The following LSAMP variants were observed in gnomAD, a reference collection of about 807,000 sequenced individuals.
LSAMP encodes the protein limbic system associated membrane protein.
In LSAMP, 7 loss-of-function variants were observed where a neutral mutation model predicts 38.6. That is an observed-to-expected ratio of 0.18 (90% CI 0.10 to 0.34). The LOEUF is 0.34. Among genes scored for constraint, LSAMP ranks in the 10% least tolerant of loss-of-function variants. LSAMP has a pLI of 1.00. For synonymous variants in LSAMP, 154 were observed against 166.8 expected, an observed-to-expected ratio of 0.92 and a Z score of 0.59; for missense variants, 313 against 420.0, an observed-to-expected ratio of 0.75 and a Z score of 2.23.
At chr3:116,419,671 T>C (rs961275855) in intron 1 of LSAMP, among the ~76,000 whole-genome samples, 2 of 152,058 alleles carry the variant, frequency 1.3e-5, no homozygotes, top group African/African-American at 4.8e-5. Context: ...AGACTAATAA[T>C]GGAAACCCAA....
At chr3:115,830,897 T>A (rs921288431) in intron 6 of LSAMP, among the ~76,000 whole-genome samples, 41 of 152,206 alleles carry the variant, frequency 2.7e-4, no homozygotes, top group African/African-American at 9.6e-4. Context: ...ATATGGCTGT[T>A]CTGATGCCAG....
chr3:116,388,209 C>T (rs1017467277), intron 1 of LSAMP, among the ~76,000 whole-genome samples: 2 of 152,132 alleles, frequency 1.3e-5, no homozygotes, highest in Non-Finnish European at 2.9e-5. Flanking sequence ...GGCTACTTGA[C>T]TGAGAAATTA....
chr3:116,164,760 A>ATATTTTTTTTT (rs374542146), intron 1 of LSAMP, among the ~76,000 whole-genome samples: 1 of 91,642 alleles, frequency 1.1e-5, no homozygotes, highest in Non-Finnish European at 2.0e-5. Flanking sequence ...ATATATATAT[A>ATATTTTTTTTT]TTTTTTTTTT....
At position 116,405,534 on chromosome 3, in the gene LSAMP, G is replaced by A. The variant is rs73861676; in HGVS notation, c.155+39343C>T. ...GCTTCCAATACGATAAATAGTTAAA[G>A]AGGAGATGTTGCATCTTGACTTTAA... On this transcript the variant is annotated intron_variant, in intron 1 of 6. Coordinates refer to ENST00000490035, the MANE Select transcript of LSAMP (RefSeq NM_002338.5). Among the ~76,000 whole-genome samples, 249 of 152,112 alleles carry A rather than the reference G, an allele frequency of 1.6e-3. 1 individual carries two copies. The highest frequency in any genetic ancestry group is 5.7e-3 in the African/African-American group (235 of 41,530).
intron 6 of LSAMP, among the ~76,000 whole-genome samples, chr3:115,817,139 T>G (rs1219858623): frequency 5.3e-5 from 8 of 152,224 alleles, no homozygotes; most frequent in African/African-American, 1.9e-4. Context: ...CCTAGATCTT[T>G]GTATTGATCA....
At chr3:115,833,969 T>C (rs759610214) in intron 6 of LSAMP, among the ~76,000 whole-genome samples, 5 of 152,168 alleles carry the variant, frequency 3.3e-5, no homozygotes, top group Non-Finnish European at 5.9e-5. Flanking sequence ...AGAAAGTTTA[T>C]GAAAAGGAAT....
intron 6 of LSAMP, chr3:115,814,371 G>A (rs1169109907): frequency 6.6e-6 from 1 of 152,178 alleles, no homozygotes; most frequent in East Asian, 1.9e-4. Context: ...TTAAGGGCAA[G>A]ATAGATAAAA....
At chr3:116,267,403 T>A (rs920305109) in intron 1 of LSAMP, among the ~76,000 whole-genome samples, 42 of 152,068 alleles carry the variant, frequency 2.8e-4, no homozygotes, top group Non-Finnish European at 5.9e-4. Flanking sequence ...CCCAGTGCAT[T>A]TGTACAATGT....
In LSAMP at chr3:116,220,610, GT is replaced by G. The variant is rs1268596117; in HGVS notation, c.156-134055del. On this transcript the variant is annotated intron_variant, in intron 1 of 6. Transcript: ENST00000490035. ...AATATCAATTTCTTATTCCTTTCAGGTGTCAGGATTTGTTGTATGATGGAGC... is the reference window on the plus strand; with the variant it reads ...AATATCAATTTCTTATTCCTTTCAGGGTCAGGATTTGTTGTATGATGGAGC... Among the ~76,000 whole-genome samples the G allele has an allele frequency of 2.0e-5, 3 of 152,148 alleles. No homozygotes were observed. In the South Asian group the frequency reaches 6.2e-4, roughly 32 times the overall value.
intron 2 of LSAMP, among the ~76,000 whole-genome samples, chr3:116,058,192 G>T (rs1011213034): frequency 1.3e-5 from 2 of 152,138 alleles, no homozygotes; most frequent in African/African-American, 4.8e-5. Flanking sequence ...TCTGATACAA[G>T]CTAGCTCTTT....
intron 3 of LSAMP, among the ~76,000 whole-genome samples, chr3:115,869,206 C>T (rs1283376892): frequency 1.3e-5 from 2 of 150,802 alleles, no homozygotes; most frequent in Non-Finnish European, 2.9e-5. Flanking sequence ...AACAAAAAGC[C>T]AGATTAGGTC....
intron 1 of LSAMP, among the ~76,000 whole-genome samples, chr3:116,190,349 A>C (rs1710727731): frequency 6.6e-6 from 1 of 152,148 alleles, no homozygotes; most frequent in Non-Finnish European, 1.5e-5. Context: ...TCAAGTTATG[A>C]GTAATTATAC....
intron 1 of LSAMP, among the ~76,000 whole-genome samples, chr3:116,168,239 C>A (rs1369571377): frequency 2.0e-5 from 3 of 151,854 alleles, no homozygotes; most frequent in East Asian, 1.9e-4. Flanking sequence ...TTTTTTTTTA[C>A]TGACCAATGG....
At chr3:116,008,190 A>C (rs1299387518) in intron 3 of LSAMP, among the ~76,000 whole-genome samples, 1 of 152,194 alleles carries the variant, frequency 6.6e-6, no homozygotes, top group Non-Finnish European at 1.5e-5. Context: ...GGATTATTTC[A>C]CTTTAGGCAA....
chr3:116,372,959 A>T (rs1214342003), intron 1 of LSAMP, among the ~76,000 whole-genome samples: 2 of 151,324 alleles, frequency 1.3e-5, no homozygotes, highest in Non-Finnish European at 3.0e-5. Context: ...AATGGTACAG[A>T]TGTTGTGGAA....
At chr3:116,159,496 A>T (rs1325542445) in intron 1 of LSAMP, among the ~76,000 whole-genome samples, 4 of 152,212 alleles carry the variant, frequency 2.6e-5, no homozygotes, top group South Asian at 2.1e-4. Context: ...TAGGCATATT[A>T]AAAAAAGCTC....
intron 6 of LSAMP, among the ~76,000 whole-genome samples, chr3:115,819,230 A>G (rs1403146276): frequency 6.6e-6 from 1 of 151,934 alleles, no homozygotes; most frequent in Non-Finnish European, 1.5e-5. Flanking sequence ...CAGATCACGA[A>G]GTCAGGAGTT....
At chr3:116,197,997 C>T (rs1191641544) in intron 1 of LSAMP, among the ~76,000 whole-genome samples, 2 of 152,048 alleles carry the variant, frequency 1.3e-5, no homozygotes, top group African/African-American at 4.8e-5. Flanking sequence ...AAGAGAAACA[C>T]TATGAGAAAT....
At position 116,423,724 on chromosome 3, in the gene LSAMP, A is replaced by G. The variant is rs558782239; in HGVS notation, c.155+21153T>C. On this transcript the variant is annotated intron_variant, in intron 1 of 6. Coordinates refer to ENST00000490035, the MANE Select transcript of LSAMP (RefSeq NM_002338.5). ...GGAACAGAGAGCGAGTACTGAACAT[A>G]GCACCAGAAACACGAGAGAAAGAGA... Among the ~76,000 whole-genome samples, 6 of 152,332 alleles carry G rather than the reference A, an allele frequency of 3.9e-5. No homozygotes were observed. The South Asian group carries it at 1.2e-3, about 32-fold the overall frequency.
Sources: gnomAD v4.1 joint callset for allele counts (sites outside exome capture counted in the v4.1 genomes callset) on GRCh38, gnomAD v4.1.1 for gene constraint, MANE v1.5 for transcripts, NCBI Gene and HGNC (gene_info 2026-07-23, HGNC 2026-07-21) for gene names.